The following TBX10 variants were observed in gnomAD, a reference collection of about 807,000 sequenced individuals.
TBX10 encodes T-box transcription factor 10.
Under a neutral mutation model 32.4 loss-of-function variants are expected in TBX10, and 26 were observed. The ratio of observed to expected loss-of-function variants is 0.80; its 90% confidence interval spans 0.59 to 1.11. The LOEUF (loss-of-function observed/expected upper bound fraction) is 1.11. TBX10 is among the 50% of genes most tolerant of loss of function. The probability of loss-of-function intolerance (pLI) is 0.00; values close to 1 mark genes in which losing one functional copy is unlikely to be tolerated. For synonymous variants in TBX10, 195 were observed against 203.1 expected (o/e 0.96, Z 0.34); for missense variants, 490 against 494.5 (o/e 0.99, Z 0.09).
Position 67,634,240 on chromosome 11 carries a change from C to G in TBX10, c.498G>C (p.Val166=). Residue 166 remains valine (V), a synonymous_variant, in exon 4 of 8, where the codon GTG becomes GTC. Transcript: ENST00000335385. ...TGGTCAGCTTGAGCTTGTCAAAGGA[C>G]ACAATCTGGCGCATCCACTGGGCAC... The part of the protein sequence containing the change: ...AKGAQWMRQI[V]SFDKLKLTNN... 6.2e-7 allele frequency: 1 copy of G among 1,613,266 alleles called. No individual in the cohort carries two copies. Among genetic ancestry groups the G allele is most frequent in the Non-Finnish European group, 8.5e-7 (1 of 1,179,992 alleles).
intron 1 of TBX10, among the ~76,000 whole-genome samples, chr11:67,637,429 A>G (rs902407619): frequency 2.0e-5 from 3 of 152,138 alleles, no homozygotes; most frequent in African/African-American, 7.2e-5. Flanking sequence ...AACAAAGGAG[A>G]CAGGGTCATT....
Position 67,631,758 on chromosome 11 carries a change from C to G in TBX10, c.1005G>C (p.Pro335=). The G allele has an allele frequency of 6.2e-7, 1 of 1,608,064 alleles. No homozygotes were observed. The highest frequency in any genetic ancestry group is 8.5e-7 in the Non-Finnish European group (1 of 1,177,738). ...VTYQSLYSGA[P]SHLGIPRTRP... ...GGGTCCTTGGGATCCCTAGGTGGCT[C>G]GGGGCTCCAGAGTACAGGCTCTGAT... Residue 335 remains proline, a synonymous_variant, in exon 8 of 8, where the codon CCG becomes CCC. Coordinates refer to ENST00000335385, the MANE Select transcript of TBX10 (RefSeq NM_005995.5).
chr11:67,638,477 T>TG (rs1855360914), intron 1 of TBX10, among the ~76,000 whole-genome samples: 1 of 152,080 alleles, frequency 6.6e-6, no homozygotes, highest in Admixed American at 6.5e-5. Flanking sequence ...TGTAAGACTA[T>TG]GGGATGCCTG....
At position 67,631,354 on chromosome 11, in the gene TBX10, T is replaced by C. The variant is rs1412862957; in HGVS notation, c.*251A>G. On this transcript the variant is annotated 3_prime_UTR_variant, in exon 8 of 8. Transcript: ENST00000335385. ...GGAAGGGAGAGGTAAGGCAGGGTTT[T>C]CGGGAGTTACCCCCAAAGCAAGAGG... is the stretch of plus-strand genomic sequence containing the variant. The C allele has an allele frequency of 1.8e-6, 1 of 567,266 alleles. No individual in the cohort carries two copies. Among genetic ancestry groups the C allele is most frequent in the Non-Finnish European group, 3.2e-6 (1 of 316,836 alleles). The allele number at this position is 567,266 out of a possible 1,614,324, so 35.1% of individuals were successfully genotyped here. A position where few individuals can be genotyped will look rare whatever the true frequency, so the allele number is the denominator to read the frequency against.
upstream of TBX10, among the ~76,000 whole-genome samples, chr11:67,640,770 G>A (rs2514029): frequency 0.21 from 32,006 of 152,078 alleles, 3,561 homozygotes; most frequent in African/African-American, 0.27. Flanking sequence ...TCCTAAGAGG[G>A]GGCATGGAGG....
chr11:67,634,704 C>T, intron 3 of TBX10, 112 bp downstream of exon 3: 2 of 1,223,960 alleles, frequency 1.6e-6, no homozygotes, highest in Non-Finnish European at 2.4e-6. Flanking sequence ...TAGGCTGGAC[C>T]TCCCTGGCAT....
Position 67,634,893 on chromosome 11 carries a change from C to T in TBX10, c.300G>A (p.Val100=), listed in dbSNP as rs1855300812. The change falls in exon 3 of 8, where the codon GTG becomes GTA. Residue 100 remains valine, a synonymous_variant. Coordinates refer to ENST00000335385, the MANE Select transcript of TBX10 (RefSeq NM_005995.5). The stretch of plus-strand genomic sequence containing the variant: ...CCAGGGAGTCCATGCCCAGGATCTT[C>T]ACCTGGAAGGGGGGGAACATCCTCC... ...AGRRMFPPFQ[V]KILGMDSLAD... 3.7e-6 allele frequency: 6 copies of T among 1,613,414 alleles called. No individual in the cohort carries two copies. The highest frequency in any genetic ancestry group is 5.1e-6 in the Non-Finnish European group (6 of 1,180,022).
Position 67,631,361 on chromosome 11 carries a change from T to G in TBX10, c.*244A>C. 2 of 576,602 alleles carry G rather than the reference T, an allele frequency of 3.5e-6. No homozygotes were observed. Among genetic ancestry groups the G allele is most frequent in the Non-Finnish European group, 3.1e-6 (1 of 323,668 alleles). The allele number at this position is 576,602 out of a possible 1,614,324, so 35.7% of individuals were successfully genotyped here. On this transcript the variant is annotated 3_prime_UTR_variant, in exon 8 of 8. Coordinates refer to ENST00000335385, the MANE Select transcript of TBX10 (RefSeq NM_005995.5). ...AGAGGTAAGGCAGGGTTTTCGGGAG[T>G]TACCCCCAAAGCAAGAGGGCACAGT...
rs181717335 is a variant in TBX10 at position 67,638,089 on chromosome 11, C to T, written c.7+1377G>A. Among the ~76,000 whole-genome samples, 188 of 152,208 alleles carry T rather than the reference C, an allele frequency of 1.2e-3. 2 individuals carry two copies. Among genetic ancestry groups the T allele is most frequent in the Middle Eastern group, 0.01 (3 of 294 alleles). Reference sequence around the variant, plus strand: ...AGAAGTGCTGGCGGGCACCTGTAATCCCAGCTATTCGGGAGGCTGAGACAC... The same window carrying T: ...AGAAGTGCTGGCGGGCACCTGTAATTCCAGCTATTCGGGAGGCTGAGACAC... On this transcript the variant is annotated intron_variant, in intron 1 of 7. Transcript: ENST00000335385.
At chr11:67,633,927 C>A (rs760453708) in intron 4 of TBX10, among the ~76,000 whole-genome samples, 3 of 152,182 alleles carry the variant, frequency 2.0e-5, no homozygotes, top group Non-Finnish European at 4.4e-5. Context: ...CTAGGCTGGG[C>A]GTTCCATACC....
chr11:67,638,762 G>A (rs1855365871), intron 1 of TBX10, among the ~76,000 whole-genome samples: 1 of 152,216 alleles, frequency 6.6e-6, no homozygotes, highest in African/African-American at 2.4e-5. Context: ...TCAGGTTTGA[G>A]GACCCTGGGC....
At chr11:67,633,656 T>G (rs1025409906) in intron 4 of TBX10, among the ~76,000 whole-genome samples, 1 of 152,238 alleles carries the variant, frequency 6.6e-6, no homozygotes, top group Non-Finnish European at 1.5e-5. Context: ...TACTGTCCCC[T>G]CTGACGGGCA....
At chr11:67,637,666 A>G (rs1412364256) in intron 1 of TBX10, among the ~76,000 whole-genome samples, 1 of 152,272 alleles carries the variant, frequency 6.6e-6, no homozygotes, top group African/African-American at 2.4e-5. Context: ...TGCTTGGACC[A>G]ATATAAGCAT....
In TBX10 at chr11:67,634,889, T is replaced by A. The variant is rs754498811; in HGVS notation, c.304A>T (p.Ile102Phe). 2.5e-6 allele frequency: 4 copies of A among 1,613,338 alleles called. No homozygotes were observed. In the Admixed American group the frequency reaches 5.0e-5, roughly 20 times the overall value. ...RRMFPPFQVKILGMDSLADYA... is the reference protein window; with the variant it reads ...RRMFPPFQVKFLGMDSLADYA... ...TCGGCCAGGGAGTCCATGCCCAGGA[T>A]CTTCACCTGGAAGGGGGGGAACATC... The change falls in exon 3 of 8, where the codon ATC (isoleucine) becomes TTC (phenylalanine). Residue 102 changes from isoleucine (I) to phenylalanine (F), a missense_variant. Ile to Phe is a conservative substitution (Grantham distance 21, BLOSUM62 0). Around this residue, in one of 3 missense-constraint regions of TBX10, gnomAD observed 307 missense variants for 294.9 expected, o/e 1.04. Coordinates refer to ENST00000335385, the MANE Select transcript of TBX10 (RefSeq NM_005995.5).
At chr11:67,638,920 G>T (rs745846696) in intron 1 of TBX10, among the ~76,000 whole-genome samples, 3 of 147,298 alleles carry the variant, frequency 2.0e-5, no homozygotes, top group East Asian at 1.9e-4. Context: ...GTCCCAAGGT[G>T]GGGGGGCTCA....
At chr11:67,635,333 T>G in intron 1 of TBX10, 70 bp from the exon 2 acceptor site, 1 of 1,601,630 alleles carries the variant, frequency 6.2e-7, no homozygotes, top group South Asian at 1.1e-5. Flanking sequence ...AGGCTGCACC[T>G]ATATGCCTCT....
rs1048510095 is a variant in TBX10 at position 67,639,566 on chromosome 11, C to G, written c.-94G>C. 1.2e-5 allele frequency: 18 copies of G among 1,550,286 alleles called. No homozygotes were observed. Among genetic ancestry groups the G allele is most frequent in the African/African-American group, 4.1e-5 (3 of 73,384 alleles). On this transcript the variant is annotated 5_prime_UTR_variant, in exon 1 of 8. Transcript: ENST00000335385. Reference sequence around the variant, plus strand: ...AAGGGGTGGTCACCACTCGTCCACTCGGCACCTCAGCTCAGCCCTCAGGTG... The same window carrying G: ...AAGGGGTGGTCACCACTCGTCCACTGGGCACCTCAGCTCAGCCCTCAGGTG...
At position 67,639,688 on chromosome 11, in the gene TBX10, C is replaced by CCCA; in HGVS notation, c.-217_-216insTGG. 1 of 650,306 alleles carries CCCA rather than the reference C, an allele frequency of 1.5e-6. No homozygotes were observed. Among genetic ancestry groups the CCCA allele is most frequent in the Non-Finnish European group, 2.8e-6 (1 of 362,486 alleles). The allele number at this position is 650,306 out of a possible 1,614,324, so 40.3% of individuals were successfully genotyped here. A position where few individuals can be genotyped will look rare whatever the true frequency, so the allele number is the denominator to read the frequency against. ...TCGTGGTCTTCCTACTCGAGCTGGACCCCTGGTCTCCGAAGGTGAGATGCA... is the reference window on the plus strand; with the variant it reads ...TCGTGGTCTTCCTACTCGAGCTGGACCCACCCTGGTCTCCGAAGGTGAGATGCA... On this transcript the variant is annotated 5_prime_UTR_variant, in exon 1 of 8. Transcript: ENST00000335385.
upstream of TBX10, among the ~76,000 whole-genome samples, chr11:67,639,890 G>A (rs1254962606): frequency 2.0e-5 from 3 of 152,160 alleles, no homozygotes; most frequent in African/African-American, 7.2e-5. Flanking sequence ...AGCCATTCCT[G>A]ATCGATGGGC....
Sources: allele counts gnomAD v4.1 joint callset (sites outside exome capture counted in the v4.1 genomes callset), GRCh38; gene constraint gnomAD v4.1.1; regional missense constraint gnomAD v4.1.1; transcripts MANE v1.5; gene names NCBI Gene and HGNC (gene_info 2026-07-23, HGNC 2026-07-21).